Variants in MRPL11 observed in about 807,000 individuals in gnomAD.
MRPL11 encodes the protein large ribosomal subunit protein uL11m.
Under a neutral mutation model 19.1 loss-of-function variants are expected in MRPL11, and 21 were observed. The observed-to-expected ratio is 1.10, with a 90% CI of 0.78 to 1.58. The LOEUF (loss-of-function observed/expected upper bound fraction) is 1.58, where lower values mean the gene tolerates loss of function less well. Among genes scored for constraint, MRPL11 ranks in the 40% most tolerant of loss-of-function variants. The pLI, the probability that MRPL11 is intolerant of heterozygous loss-of-function variation, is 0.00. For synonymous variants in MRPL11, 108 were observed against 99.7 expected, an observed-to-expected ratio of 1.08 and a Z score of -0.49; for missense variants, 242 against 243.9, an observed-to-expected ratio of 0.99 and a Z score of 0.05.
Position 66,437,237 on chromosome 11 carries a change from A to G in MRPL11, c.340T>C (p.Leu114=), listed in dbSNP as rs536129742. ...TGKEVAGLVT[L]KHVYEIARIK... is the part of the protein sequence containing the mutation. ...CGGGCAATCTCATACACATGCTTCA[A>G]GGTCACCAGGCCTGCCACCTCTTTC... The change falls in exon 4 of 5, where the codon TTG becomes CTG. Residue 114 remains leucine, a synonymous_variant. Coordinates refer to ENST00000310999, the MANE Select transcript of MRPL11 (RefSeq NM_016050.5). 3 of 1,614,190 alleles carry G rather than the reference A, an allele frequency of 1.9e-6. No homozygotes were observed. The South Asian group carries it at 3.3e-5, about 18-fold the overall frequency.
At chr11:66,436,800 A>G (rs770260374) in intron 4 of MRPL11, 4 of 1,598,036 alleles carry the variant, frequency 2.5e-6, no homozygotes, top group Non-Finnish European at 3.4e-6. Context: ...CTTCCCTCAT[A>G]CCATTCTCCA....
chr11:66,436,491 TAA>T (rs547445000), intron 4 of MRPL11, among the ~76,000 whole-genome samples: 2 of 144,152 alleles, frequency 1.4e-5, no homozygotes, highest in Admixed American at 7.0e-5. Flanking sequence ...ATGCTCCCAG[TAA>T]AAAAAAAAAG....
Position 66,436,050 on chromosome 11 carries a change from T to C in MRPL11, c.536A>G (p.Lys179Arg). 1 of 1,614,082 alleles carries C rather than the reference T, an allele frequency of 6.2e-7. No homozygotes were observed. Among genetic ancestry groups the C allele is most frequent in the Non-Finnish European group, 8.5e-7 (1 of 1,179,990 alleles). Residue 179 changes from lysine to arginine, a missense_variant, in exon 5 of 5, where the codon AAG (lysine) becomes AGG (arginine). Physicochemically the swap from Lys to Arg is conservative, Grantham distance 26 (BLOSUM62 2). Transcript: ENST00000310999. ...KERAIFLAAQ[K>R]EADLAAQEEA... ...TTCTTGGGCAGCCAAATCTGCCTCC[T>C]TCTGAGCAGCCAGGAAGATGGCTCG... is the stretch of plus-strand genomic sequence containing the variant.
chr11:66,438,024 G>C (rs556026149), intron 2 of MRPL11, 140 bp downstream of exon 2: 25 of 631,332 alleles, frequency 4.0e-5, no homozygotes, highest in South Asian at 2.4e-4. Flanking sequence ...GAAAAAATAT[G>C]ATCTAGTCCT....
chr11:66,438,702 C>T lies in MRPL11; in HGVS notation c.53G>A (p.Gly18Asp). The change falls in exon 1 of 5, where the codon GGT (glycine) becomes GAT (aspartate). Residue 18 changes from glycine (G) to aspartate (D), a missense_variant. Coordinates refer to ENST00000310999, the MANE Select transcript of MRPL11 (RefSeq NM_016050.5). ...ARGLRKPEVGGVIRAIVRAGL... is the reference protein window; with the variant it reads ...ARGLRKPEVGDVIRAIVRAGL... ...TGCCCGCACGATCGCCCGGATCACA[C>T]CGCCGACCTCGGGCTTCCTGAGGCC... 2 of 1,584,880 alleles carry T rather than the reference C, an allele frequency of 1.3e-6. No individual in the cohort carries two copies. The highest frequency in any genetic ancestry group is 1.7e-6 in the Non-Finnish European group (2 of 1,163,986).
rs1475260280 is a variant in MRPL11 at position 66,435,404 on chromosome 11, GC to G, written c.*602del. 1 of 152,348 alleles carries G rather than the reference GC, an allele frequency of 6.6e-6. No individual in the cohort carries two copies. The highest frequency in any genetic ancestry group is 1.5e-5 in the Non-Finnish European group (1 of 68,146). 9.4% of individuals were successfully genotyped at this position (152,348 alleles called of 1,614,324 possible). A position where few individuals can be genotyped will look rare whatever the true frequency, so the allele number is the denominator to read the frequency against. On this transcript the variant is annotated 3_prime_UTR_variant, in exon 5 of 5. Coordinates refer to ENST00000310999, the MANE Select transcript of MRPL11 (RefSeq NM_016050.5). ...GAGCTTAGTAGAAGGGCCTGAAGTA[GC>G]CCCTGGGATCTGGGTACTCCATGTA...
intron 4 of MRPL11, 144 bp from the exon 5 acceptor site, chr11:66,436,256 CCT>C (rs1419337742): frequency 4.8e-6 from 3 of 626,250 alleles, no homozygotes; most frequent in Non-Finnish European, 8.5e-6. Context: ...GACTTCCCAG[CCT>C]CCATACCTTT....
At chr11:66,436,160 G>T in intron 4 of MRPL11, 48 bp from the exon 5 acceptor site, 1 of 1,526,666 alleles carries the variant, frequency 6.6e-7, no homozygotes, top group Non-Finnish European at 9.0e-7. Context: ...GGTCACCAGT[G>T]GGAGCTCACA....
rs1237465899 is a variant in MRPL11 at position 66,438,224 on chromosome 11, G to T, written c.159C>A (p.Phe53Leu). The T allele has an allele frequency of 1.2e-6, 2 of 1,614,048 alleles. No individual in the cohort carries two copies. The highest frequency in any genetic ancestry group is 2.2e-5 in the East Asian group (1 of 44,876). Residue 53 changes from phenylalanine to leucine, a missense_variant, in exon 2 of 5, where the codon TTC becomes TTA. Coordinates refer to ENST00000310999, the MANE Select transcript of MRPL11 (RefSeq NM_016050.5). ...GVSINQFCKE[F>L]NERTKDIKEG... ...CCTTGATGTCCTTTGTCCTCTCATT[G>T]AACTCCTTGCAAAACTGGTTGATGG...
intron 4 of MRPL11, chr11:66,436,890 G>C: frequency 6.2e-7 from 1 of 1,614,082 alleles, no homozygotes; most frequent in Non-Finnish European, 8.5e-7. Flanking sequence ...CCATTTCTTA[G>C]AACATTTGCA....
At position 66,438,695 on chromosome 11, in the gene MRPL11, G is replaced by C; in HGVS notation, c.60C>G (p.Ile20Met). Residue 20 changes from isoleucine (I) to methionine (M), a missense_variant, in exon 1 of 5, where the codon ATC becomes ATG. Transcript: ENST00000310999. Reference sequence around the variant, plus strand: ...CCAGGCCTGCCCGCACGATCGCCCGGATCACACCGCCGACCTCGGGCTTCC... The same window carrying C: ...CCAGGCCTGCCCGCACGATCGCCCGCATCACACCGCCGACCTCGGGCTTCC... ...GLRKPEVGGV[I>M]RAIVRAGLAM... is the part of the protein sequence containing the mutation. 1.9e-6 allele frequency: 3 copies of C among 1,586,180 alleles called. No individual in the cohort carries two copies. Among genetic ancestry groups the C allele is most frequent in the Non-Finnish European group, 2.6e-6 (3 of 1,164,876 alleles).
Position 66,438,729 on chromosome 11 carries a change from C to T in MRPL11, c.26G>A (p.Arg9Gln). 1 of 1,575,792 alleles carries T rather than the reference C, an allele frequency of 6.3e-7. No individual in the cohort carries two copies. Among genetic ancestry groups the T allele is most frequent in the Admixed American group, 1.8e-5 (1 of 54,828 alleles). The change falls in exon 1 of 5, where the codon CGG (arginine) becomes CAG (glutamine). Residue 9 changes from arginine to glutamine, a missense_variant. Arg to Gln is a conservative substitution (Grantham distance 43, BLOSUM62 1). Coordinates refer to ENST00000310999, the MANE Select transcript of MRPL11 (RefSeq NM_016050.5). Reference sequence around the variant, plus strand: ...GCCGACCTCGGGCTTCCTGAGGCCCCGGGCGGCCCGGCCGAGCTTTGACAT... The same window carrying T: ...GCCGACCTCGGGCTTCCTGAGGCCCTGGGCGGCCCGGCCGAGCTTTGACAT... MSKLGRAA[R>Q]GLRKPEVGGV...
At chr11:66,436,792 TC>T in intron 4 of MRPL11, 1 of 1,574,586 alleles carries the variant, frequency 6.4e-7, no homozygotes, top group South Asian at 1.1e-5. Context: ...CACTGGTCCT[TC>T]CCTCATACCA....
chr11:66,436,687 T>C, intron 4 of MRPL11: 2 of 711,262 alleles, frequency 2.8e-6, no homozygotes, highest in South Asian at 3.5e-5. Flanking sequence ...CTTACTTCAA[T>C]GAAACAATTC....
Position 66,438,772 on chromosome 11 carries a change from T to C in MRPL11, c.-18A>G. 6.5e-7 allele frequency: 1 copy of C among 1,531,180 alleles called. No homozygotes were observed. The highest frequency in any genetic ancestry group is 8.8e-7 in the Non-Finnish European group (1 of 1,139,520). The allele number at this position is 1,531,180 out of a possible 1,614,324, so 94.8% of individuals were successfully genotyped here. On this transcript the variant is annotated 5_prime_UTR_variant, in exon 1 of 5. Coordinates refer to ENST00000310999, the MANE Select transcript of MRPL11 (RefSeq NM_016050.5). The stretch of plus-strand genomic sequence containing the variant: ...TTTGACATGATGCGGGGCTGCTGGC[T>C]TCAGTTCACCTCAGGGGAGCAGCAA...
Position 66,438,747 on chromosome 11 carries a change from T to A in MRPL11, c.8A>T (p.Lys3Met), listed in dbSNP as rs201631549. Residue 3 changes from lysine to methionine, a missense_variant, in exon 1 of 5, where the codon AAG becomes ATG. Physicochemically the swap from Lys to Met is moderately conservative, Grantham distance 95. Coordinates refer to ENST00000310999, the MANE Select transcript of MRPL11 (RefSeq NM_016050.5). The stretch of plus-strand genomic sequence containing the variant: ...GAGGCCCCGGGCGGCCCGGCCGAGC[T>A]TTGACATGATGCGGGGCTGCTGGCT... MSKLGRAARGLRK... is the reference protein window; with the variant it reads MSMLGRAARGLRK... 1.3e-6 allele frequency: 2 copies of A among 1,563,420 alleles called. No homozygotes were observed. The highest frequency in any genetic ancestry group is 2.0e-5 in the Admixed American group (1 of 51,144).
At position 66,437,396 on chromosome 11, in the gene MRPL11, G is replaced by A. The variant is rs1857003745; in HGVS notation, c.267C>T (p.Tyr89=). The change falls in exon 3 of 5, where the codon TAC becomes TAT. Residue 89 remains tyrosine, a synonymous_variant. Coordinates refer to ENST00000310999, the MANE Select transcript of MRPL11 (RefSeq NM_016050.5). The part of the protein sequence containing the change: ...EIKIGQPTVS[Y]FLKAAAGIEK... ...CAATCCCAGCTGCTGCCTTCAGGAA[G>A]TAGGAAACAGTGGGCTGTCCAATCT... The A allele has an allele frequency of 1.2e-6, 2 of 1,614,020 alleles. No homozygotes were observed. Among genetic ancestry groups the A allele is most frequent in the Admixed American group, 1.7e-5 (1 of 59,994 alleles).
chr11:66,436,950 A>G (rs1856983738), intron 4 of MRPL11, 154 bp downstream of exon 4: 1 of 1,593,118 alleles, frequency 6.3e-7, no homozygotes, highest in African/African-American at 1.3e-5. Context: ...TTCCAGATCA[A>G]TGAATGTGGC....
rs549341639 is a variant in MRPL11 at position 66,438,840 on chromosome 11, G to C, written c.-86C>G. ...CCACCATCTTGGGCCAGAGGTCAAG[G>C]GTCCTCACGTTAGGCTAGGGCAGGT... is the stretch of plus-strand genomic sequence containing the variant. On this transcript the variant is annotated 5_prime_UTR_variant, in exon 1 of 5. Transcript: ENST00000310999. The C allele has an allele frequency of 7.5e-7, 1 of 1,334,116 alleles. No individual in the cohort carries two copies. The highest frequency in any genetic ancestry group is 1.9e-5 in the South Asian group (1 of 51,544). 82.6% of individuals were successfully genotyped at this position (1,334,116 alleles called of 1,614,324 possible).
Sources: allele counts gnomAD v4.1 joint callset (sites outside exome capture counted in the v4.1 genomes callset), GRCh38; gene constraint gnomAD v4.1.1; transcripts MANE v1.5; gene names NCBI Gene and HGNC (gene_info 2026-07-23, HGNC 2026-07-21).